The following MORC1 variants were observed in gnomAD, a reference collection of about 807,000 sequenced individuals.
MORC1 encodes MORC family CW-type zinc finger protein 1.
MORC1 carries 59 observed loss-of-function variants against 134.9 expected under a neutral mutation model. The ratio of observed to expected loss-of-function variants is 0.44; its 90% CI spans 0.35 to 0.54. MORC1 has a LOEUF of 0.54. Ranked by LOEUF, MORC1 falls within the 20% of genes least tolerant of loss-of-function variation. MORC1 has a pLI of 0.00. For missense variants in MORC1, 947 were observed against 1,134.5 expected (o/e 0.83, Z 2.37); for synonymous variants, 395 against 391.7 (o/e 1.01, Z -0.10).
chr3:109,094,767 T>C, intron 7 of MORC1, 142 bp downstream of exon 7: 1 of 747,922 alleles, frequency 1.3e-6, no homozygotes, highest in Non-Finnish European at 2.0e-6. Context: ...AAAGCTCATA[T>C]GGATAAAATA....
In MORC1 at chr3:109,042,059, T is replaced by G. The variant is rs114431252; in HGVS notation, c.1331-6591A>C. On this transcript the variant is annotated intron_variant, in intron 14 of 27. Transcript: ENST00000232603. ...AAATGAGAGAAAGAAAGGGAGAGAC[T>G]ATTCAAATAAACTGCAATGAGATAC... 5.1e-3 allele frequency among the ~76,000 whole-genome samples: 779 copies of G among 152,140 alleles called. 18 individuals carry two copies. The highest frequency in any genetic ancestry group is 0.018 in the African/African-American group (748 of 41,502).
At chr3:109,033,257 G>A (rs561648426) in intron 15 of MORC1, among the ~76,000 whole-genome samples, 1 of 148,924 alleles carries the variant, frequency 6.7e-6, no homozygotes, top group Non-Finnish European at 1.5e-5. Flanking sequence ...AAATTAAACT[G>A]AAAGAAAGAA....
At chr3:109,021,008 A>G (rs1948945059) in intron 17 of MORC1, among the ~76,000 whole-genome samples, 2 of 152,150 alleles carry the variant, frequency 1.3e-5, no homozygotes, top group South Asian at 4.1e-4. Context: ...AAGCAAATTG[A>G]AAAACAGGAT....
intron 8 of MORC1, among the ~76,000 whole-genome samples, chr3:109,071,114 C>T (rs961628461): frequency 5.3e-5 from 8 of 152,098 alleles, no homozygotes; most frequent in South Asian, 2.1e-4. Flanking sequence ...ATAAAAGAAA[C>T]GGAAAGAAGT....
At chr3:109,006,968 G>T (rs1948554270) in intron 18 of MORC1, 61 bp downstream of exon 18, 2 of 1,401,692 alleles carry the variant, frequency 1.4e-6, no homozygotes, top group South Asian at 1.3e-5. Flanking sequence ...CCTTGATAAG[G>T]CTTCTCCTTC....
intron 1 of MORC1, among the ~76,000 whole-genome samples, chr3:109,115,328 AACACACACACAC>A (rs58831825): frequency 2.7e-5 from 4 of 148,662 alleles, no homozygotes; most frequent in Admixed American, 1.3e-4. Context: ...GTATTTTTAA[AACACACACACAC>A]ACACACACAC....
At chr3:109,007,457 C>CAGTA in intron 17 of MORC1, among the ~76,000 whole-genome samples, 3 of 152,298 alleles carry the variant, frequency 2.0e-5, no homozygotes, top group Middle Eastern at 6.8e-3. Flanking sequence ...TGACCTTAGG[C>CAGTA]AGTAGCACTA....
chr3:108,971,321 C>T lies in MORC1; in HGVS notation c.2550+9G>A. ...CATTCCCTCACAGTTCCAAAAAAAACCAGCTTACCTCACAACTTAATGCAG... is the reference window on the plus strand; with the variant it reads ...CATTCCCTCACAGTTCCAAAAAAAATCAGCTTACCTCACAACTTAATGCAG... On this transcript the variant is annotated intron_variant, in intron 25 of 27. Transcript: ENST00000232603. 4 of 1,611,450 alleles carry T rather than the reference C, an allele frequency of 2.5e-6. No individual in the cohort carries two copies. The highest frequency in any genetic ancestry group is 2.5e-6 in the Non-Finnish European group (3 of 1,178,400).
chr3:109,025,380 T>C (rs1319299481), intron 17 of MORC1, among the ~76,000 whole-genome samples: 1 of 44,770 alleles, frequency 2.2e-5, no homozygotes. Context: ...TTCTTTTTTC[T>C]TTTTTTTTTT....
chr3:109,006,125 C>A (rs1291230055), intron 18 of MORC1, among the ~76,000 whole-genome samples: 1 of 152,188 alleles, frequency 6.6e-6, no homozygotes, highest in Non-Finnish European at 1.5e-5. Context: ...GCTCTCCACT[C>A]CAGAAGAATC....
At chr3:109,100,705 G>A (rs80019329) in intron 4 of MORC1, among the ~76,000 whole-genome samples, 198 bp from the exon 5 acceptor site, 34 of 152,248 alleles carry the variant, frequency 2.2e-4, no homozygotes, top group East Asian at 7.7e-4. Flanking sequence ...CCCAAGGTAC[G>A]GCAGGCTCCA....
intron 8 of MORC1, 86 bp downstream of exon 8, chr3:109,093,350 G>A (rs1950765972): frequency 1.7e-5 from 16 of 956,570 alleles, no homozygotes; most frequent in Admixed American, 4.1e-5. Context: ...AAAACCCAGT[G>A]ACCTCAGACC....
Position 109,062,030 on chromosome 3 carries a change from G to A in MORC1, c.924C>T (p.Ile308=). Residue 308 remains isoleucine (I), a synonymous_variant, in exon 11 of 28, where the codon ATC becomes ATT. Coordinates refer to ENST00000232603, the MANE Select transcript of MORC1 (RefSeq NM_014429.4). Reference sequence around the variant, plus strand: ...AGGTTCTGTCACACTGGTTTACTTTGATTTGTGCTTCTTTCAATATGGATT... The same window carrying A: ...AGGTTCTGTCACACTGGTTTACTTTAATTTGTGCTTCTTTCAATATGGATT... The part of the protein sequence containing the change: ...IAESILKEAQ[I]KVNQCDRTSL... 3 of 1,614,016 alleles carry A rather than the reference G, an allele frequency of 1.9e-6. No homozygotes were observed. The Admixed American group carries it at 5.0e-5, about 27-fold the overall frequency.
chr3:109,070,734 G>A (rs1052096110), intron 8 of MORC1, among the ~76,000 whole-genome samples: 1 of 152,124 alleles, frequency 6.6e-6, no homozygotes, highest in African/African-American at 2.4e-5. Context: ...TAACATTATT[G>A]CCAGTAACTC....
At chr3:109,049,512 A>G (rs753091365) in intron 14 of MORC1, among the ~76,000 whole-genome samples, 1 of 152,174 alleles carries the variant, frequency 6.6e-6, no homozygotes, top group Non-Finnish European at 1.5e-5. Flanking sequence ...CTGGGAATAT[A>G]ACACATTAGT....
intron 3 of MORC1, among the ~76,000 whole-genome samples, chr3:109,106,539 A>AAC (rs1186448584): frequency 6.6e-6 from 1 of 152,138 alleles, no homozygotes. Context: ...AAACAAAACA[A>AAC]ACACCTCCTC....
intron 23 of MORC1, among the ~76,000 whole-genome samples, chr3:108,980,640 C>T (rs1337791258): frequency 6.6e-6 from 1 of 152,178 alleles, no homozygotes; most frequent in East Asian, 1.9e-4. Flanking sequence ...TTAGACTCTG[C>T]AAGCAGTGGG....
intron 8 of MORC1, among the ~76,000 whole-genome samples, chr3:109,079,963 CAT>C (rs1320000429): frequency 1.3e-5 from 2 of 152,114 alleles, no homozygotes; most frequent in African/African-American, 4.8e-5. Context: ...TCACTGAGTA[CAT>C]ATTATGTGTC....
chr3:108,996,996 C>T (rs1422463297), intron 21 of MORC1, among the ~76,000 whole-genome samples: 11 of 107,028 alleles, frequency 1.0e-4, no homozygotes, highest in Admixed American at 9.9e-4. Flanking sequence ...GGTGACAGAG[C>T]GAGACTCTGT....
Sources: gnomAD v4.1 joint callset for allele counts (sites outside exome capture counted in the v4.1 genomes callset) on GRCh38, gnomAD v4.1.1 for gene constraint, MANE v1.5 for transcripts, NCBI Gene and HGNC (gene_info 2026-07-23, HGNC 2026-07-21) for gene names.